Variants in RASA3 observed in about 807,000 individuals in gnomAD.
RASA3 encodes the protein ras GTPase-activating protein 3.
RASA3 carries 73 observed loss-of-function variants against 110.0 expected under a neutral mutation model. That is an observed-to-expected ratio of 0.66 (90% CI 0.55 to 0.81). The LOEUF is 0.81. Ranked by LOEUF, RASA3 falls within the 30% of genes least tolerant of loss-of-function variation. RASA3 has a pLI of 0.00. For missense variants in RASA3, 976 were observed against 1,113.2 expected (o/e 0.88, Z 1.75); for synonymous variants, 500 against 451.4 (o/e 1.11, Z -1.37).
chr13:114,125,857 A>T (rs1404308944), intron 1 of RASA3, among the ~76,000 whole-genome samples: 1 of 151,946 alleles, frequency 6.6e-6, no homozygotes, highest in Admixed American at 6.6e-5. Context: ...CCACAGTTCC[A>T]CAACGGCTGT....
chr13:113,998,485 G>A (rs187215538), intron 20 of RASA3, among the ~76,000 whole-genome samples: 12 of 152,358 alleles, frequency 7.9e-5, no homozygotes, highest in African/African-American at 2.2e-4. Context: ...TGACCCTCAT[G>A]CTGCAGTCGG....
intron 2 of RASA3, among the ~76,000 whole-genome samples, chr13:114,055,976 C>T (rs936170022): frequency 6.6e-6 from 1 of 152,250 alleles, no homozygotes; most frequent in Non-Finnish European, 1.5e-5. Context: ...GAGAATGGAA[C>T]GGACGCCCTC....
At position 114,111,047 on chromosome 13, in the gene RASA3, G is replaced by A. The variant is rs375012326; in HGVS notation, c.55+21388C>T. ...GAACGGCACAAACGAGCTGCAGGCC[G>A]AGTTCTAACGGGCTGAGCCTCAAAC... On this transcript the variant is annotated intron_variant, in intron 1 of 23. Transcript: ENST00000334062. Among the ~76,000 whole-genome samples the A allele has an allele frequency of 1.0e-3, 139 of 133,812 alleles. 8 individuals carry two copies. The South Asian group carries it at 0.033, about 31-fold the overall frequency. The allele number at this position is 133,812 out of a possible 152,430, so 87.8% of individuals were successfully genotyped here.
Position 114,028,564 on chromosome 13 carries a change from G to A in RASA3, c.450-637C>T, listed in dbSNP as rs1044689060. Among the ~76,000 whole-genome samples, 22 of 146,948 alleles carry A rather than the reference G, an allele frequency of 1.5e-4. 1 individual carries two copies. The highest frequency in any genetic ancestry group is 5.3e-4 in the African/African-American group (21 of 39,292). ...CTAAAACAGCGTCATCCTGGAAGGG[G>A]GCCAGAACTTCTAAAACAGCATCAT... On this transcript the variant is annotated intron_variant, in intron 5 of 23. Transcript: ENST00000334062.
chr13:114,022,274 C>T (rs1261665517), intron 8 of RASA3, among the ~76,000 whole-genome samples: 3 of 152,186 alleles, frequency 2.0e-5, no homozygotes, highest in Non-Finnish European at 2.9e-5. Context: ...GGTACGTGTC[C>T]CCTCAGACCT....
intron 9 of RASA3, 134 bp downstream of exon 9, chr13:114,021,270 A>G (rs912263806): frequency 2.8e-6 from 2 of 709,678 alleles, no homozygotes; most frequent in Non-Finnish European, 4.8e-6. Context: ...AGCTACATGC[A>G]AAGTAAGAGC....
intron 8 of RASA3, among the ~76,000 whole-genome samples, chr13:114,024,076 T>C (rs1288217870): frequency 6.6e-6 from 1 of 152,242 alleles, no homozygotes; most frequent in Non-Finnish European, 1.5e-5. Context: ...CTTTCGCCTC[T>C]TCGCAGGTAT....
intron 3 of RASA3, among the ~76,000 whole-genome samples, chr13:114,047,092 C>G (rs1271011029): frequency 6.6e-6 from 1 of 152,204 alleles, no homozygotes; most frequent in Non-Finnish European, 1.5e-5. Context: ...AAATTAAAAA[C>G]TTCTGTTCTT....
chr13:114,130,485 G>C (rs987473114), intron 1 of RASA3, among the ~76,000 whole-genome samples: 6 of 152,314 alleles, frequency 3.9e-5, no homozygotes, highest in Admixed American at 6.5e-5. Flanking sequence ...TGACCAAGTT[G>C]TGGCATCTCC....
At chr13:114,101,470 C>T (rs1484207043) in intron 1 of RASA3, among the ~76,000 whole-genome samples, 1 of 152,234 alleles carries the variant, frequency 6.6e-6, no homozygotes, top group Non-Finnish European at 1.5e-5. Context: ...GGGCCCCGCC[C>T]TGAGACAGTG....
chr13:114,035,343 T>C (rs995421003), intron 4 of RASA3, among the ~76,000 whole-genome samples: 14 of 152,186 alleles, frequency 9.2e-5, no homozygotes, highest in African/African-American at 3.1e-4. Context: ...TCCCTGGCGC[T>C]GCACTCCTGC....
chr13:114,056,370 G>C lies in RASA3; in HGVS notation c.174-4215C>G, dbSNP rs1349838611. On this transcript the variant is annotated intron_variant, in intron 2 of 23. Transcript: ENST00000334062. This position sits in a 1 kb window ranked among gnomAD's most constrained non-coding sequence, Gnocchi z 5.7. ...CCCACAAACGGGCGCCGCGCACCTG[G>C]CATTTAACCCTGCACACTTCCTCAC... 1 of 883,054 alleles carries C rather than the reference G, an allele frequency of 1.1e-6. No individual in the cohort carries two copies. The highest frequency in any genetic ancestry group is 1.4e-6 in the Non-Finnish European group (1 of 736,766). The allele number at this position is 883,054 out of a possible 1,614,324, so 54.7% of individuals were successfully genotyped here.
At chr13:113,982,728 G>A (rs1470958242) in intron 22 of RASA3, among the ~76,000 whole-genome samples, 1 of 152,274 alleles carries the variant, frequency 6.6e-6, no homozygotes, top group Non-Finnish European at 1.5e-5. Context: ...GATGGCATCA[G>A]GAGATGAGGC....
chr13:114,029,765 C>T, intron 5 of RASA3, 46 bp downstream of exon 5: 6 of 1,534,526 alleles, frequency 3.9e-6, no homozygotes, highest in Non-Finnish European at 5.3e-6. Flanking sequence ...GGGAGCCAGA[C>T]ATGCCACTCG....
Position 114,027,478 on chromosome 13 carries a change from A to C in RASA3, c.531-17T>G. The C allele has an allele frequency of 1.3e-6, 2 of 1,595,278 alleles. No homozygotes were observed. The highest frequency in any genetic ancestry group is 1.3e-5 in the African/African-American group (1 of 74,576). On this transcript the variant is annotated splice_polypyrimidine_tract_variant and intron_variant, in intron 6 of 23. Transcript: ENST00000334062. ...GCTTCTGATCTGTTATCAAGTGAGA[A>C]AGGATTGGGATTAAAACAACACTGC...
chr13:114,121,718 G>A (rs965064392), intron 1 of RASA3, among the ~76,000 whole-genome samples: 6 of 152,318 alleles, frequency 3.9e-5, no homozygotes, highest in East Asian at 1.9e-4. Context: ...GGACGCGGGC[G>A]GCCAGACCAG....
At chr13:114,077,732 G>A (rs960567332) in intron 1 of RASA3, 55 of 881,638 alleles carry the variant, frequency 6.2e-5, no homozygotes, top group East Asian at 4.2e-4. Flanking sequence ...CTCCCTGCCC[G>A]ATGATGCCCA....
chr13:114,043,553 G>C (rs1006312399), intron 3 of RASA3, among the ~76,000 whole-genome samples: 2 of 152,130 alleles, frequency 1.3e-5, no homozygotes, highest in Non-Finnish European at 2.9e-5. Flanking sequence ...GATCAGCCTG[G>C]TGACCTCATC....
At chr13:114,074,249 G>A (rs1272389786) in intron 1 of RASA3, among the ~76,000 whole-genome samples, 6 of 152,050 alleles carry the variant, frequency 3.9e-5, no homozygotes, top group African/African-American at 1.2e-4. Context: ...CTTCCCAAAC[G>A]GAGACTCGGT....
Sources: allele counts gnomAD v4.1 joint callset (sites outside exome capture counted in the v4.1 genomes callset), GRCh38; gene constraint gnomAD v4.1.1; non-coding constraint Gnocchi (gnomAD v3.1); transcripts MANE v1.5; gene names NCBI Gene and HGNC (gene_info 2026-07-23, HGNC 2026-07-21).